The following RBFOX1 variants were observed in gnomAD, a reference collection of about 807,000 sequenced individuals.
The protein encoded by RBFOX1 is RNA binding fox-1 homolog 1.
Under a neutral mutation model 57.7 loss-of-function variants are expected in RBFOX1, and 8 were observed. The observed-to-expected ratio is 0.14, with a 90% CI of 0.08 to 0.25. The LOEUF (loss-of-function observed/expected upper bound fraction) is 0.25, where lower values mean the gene tolerates loss of function less well. RBFOX1 is among the 10% of genes least tolerant of loss of function. RBFOX1 has a pLI of 1.00. For synonymous variants in RBFOX1, 326 were observed against 222.4 expected, an observed-to-expected ratio of 1.47 and a Z score of -4.15; for missense variants, 611 against 548.5, an observed-to-expected ratio of 1.11 and a Z score of -1.14.
chr16:6,741,347 GA>G (rs1230664501), intron 3 of RBFOX1, among the ~76,000 whole-genome samples: 3 of 151,862 alleles, frequency 2.0e-5, no homozygotes, highest in Non-Finnish European at 4.4e-5. Context: ...GTCTATAAAA[GA>G]AAAAAATGAT....
chr16:7,338,047 G>A (rs2096826001), intron 4 of RBFOX1, among the ~76,000 whole-genome samples: 1 of 152,138 alleles, frequency 6.6e-6, no homozygotes, highest in African/African-American at 2.4e-5. Context: ...CTCTTTTAAA[G>A]TATTATTTTA....
intron 3 of RBFOX1, among the ~76,000 whole-genome samples, chr16:6,892,788 C>T (rs1270090194): frequency 3.7e-4 from 28 of 76,504 alleles, no homozygotes; most frequent in Non-Finnish European, 5.7e-4. Flanking sequence ...CTCTCTCTCT[C>T]TCTCTCTCTC....
At chr16:5,245,504 G>C (rs1049760886) in intron 1 of RBFOX1, among the ~76,000 whole-genome samples, 1 of 152,158 alleles carries the variant, frequency 6.6e-6, no homozygotes, top group African/African-American at 2.4e-5. Flanking sequence ...GACAAGATGG[G>C]GGTTTTGCTC....
Position 6,653,009 on chromosome 16 carries a change from C to G in RBFOX1, c.-63-1594C>G, listed in dbSNP as rs551624730. Among the ~76,000 whole-genome samples the G allele has an allele frequency of 2.0e-5, 3 of 152,258 alleles. No individual in the cohort carries two copies. In the East Asian group the frequency reaches 5.8e-4, roughly 29 times the overall value. On this transcript the variant is annotated intron_variant, in intron 2 of 15. Coordinates refer to ENST00000550418, the MANE Select transcript of RBFOX1 (RefSeq NM_018723.4). The stretch of plus-strand genomic sequence containing the variant: ...TGATCTCATTCCCCTTTATTTTCCT[C>G]TCTTACTTCCCTCTAACCACAGTGG...
chr16:6,825,119 C>T (rs1259610002), intron 3 of RBFOX1, among the ~76,000 whole-genome samples: 3 of 150,048 alleles, frequency 2.0e-5, no homozygotes, highest in African/African-American at 4.9e-5. Flanking sequence ...GCCTCAGCCT[C>T]CCAAGTAGCT....
At chr16:7,486,523 C>T (rs2065442546) in intron 4 of RBFOX1, among the ~76,000 whole-genome samples, 1 of 152,108 alleles carries the variant, frequency 6.6e-6, no homozygotes, top group South Asian at 2.1e-4. Context: ...TTTATGTCTA[C>T]ATCCATAACT....
intron 4 of RBFOX1, among the ~76,000 whole-genome samples, chr16:7,503,606 G>A (rs1018197657): frequency 6.6e-6 from 1 of 152,192 alleles, no homozygotes; most frequent in Non-Finnish European, 1.5e-5. Flanking sequence ...GGTGGTAGTA[G>A]CAAGAACTTT....
intron 2 of RBFOX1, among the ~76,000 whole-genome samples, chr16:6,396,016 A>G (rs144551605): frequency 3.5e-5 from 5 of 142,592 alleles, no homozygotes; most frequent in Non-Finnish European, 6.0e-5. Context: ...CAGTGAGCTG[A>G]GATCGCACCA....
At position 6,901,046 on chromosome 16, in the gene RBFOX1, C is replaced by G. The variant is rs182001677; in HGVS notation, c.-15-151011C>G. Among the ~76,000 whole-genome samples, 676 of 152,294 alleles carry G rather than the reference C, an allele frequency of 4.4e-3. 9 individuals carry two copies. The highest frequency in any genetic ancestry group is 3.9e-3 in the Non-Finnish European group (263 of 68,028). On this transcript the variant is annotated intron_variant, in intron 3 of 15. Transcript: ENST00000550418. ...TCACCGACATTATGTATACCGGGTG[C>G]TGTGTTCACAGCTTGGCCACTGGAT...
chr16:7,564,102 C>A (rs578023750), intron 5 of RBFOX1, among the ~76,000 whole-genome samples: 9 of 152,148 alleles, frequency 5.9e-5, no homozygotes, highest in African/African-American at 1.9e-4. Flanking sequence ...CTGTAACCAC[C>A]AAAGGGATGG....
At chr16:5,572,822 A>G (rs1226456491) in intron 2 of RBFOX1, among the ~76,000 whole-genome samples, 7 of 152,214 alleles carry the variant, frequency 4.6e-5, no homozygotes, top group Non-Finnish European at 1.0e-4. Context: ...AGGAGGAAGA[A>G]GTGCAGTGGA....
Position 7,202,279 on chromosome 16 carries a change from A to G in RBFOX1, c.27+150181A>G, listed in dbSNP as rs577461466. 7.8e-4 allele frequency among the ~76,000 whole-genome samples: 115 copies of G among 146,744 alleles called. 1 individual carries two copies. The highest frequency in any genetic ancestry group is 6.4e-4 in the Non-Finnish European group (43 of 67,472). On this transcript the variant is annotated intron_variant, in intron 4 of 15. Transcript: ENST00000550418. ...ATTACAATGAGATACCACCTCACAC[A>G]CATTAGGATGGCTGCAAATAAAAAA...
intron 4 of RBFOX1, among the ~76,000 whole-genome samples, chr16:7,223,852 T>G (rs1265310965): frequency 1.3e-5 from 2 of 151,752 alleles, no homozygotes; most frequent in African/African-American, 4.8e-5. Flanking sequence ...AAATAGCCAT[T>G]TATTAAAAAC....
intron 4 of RBFOX1, among the ~76,000 whole-genome samples, chr16:7,221,389 C>T (rs1424810503): frequency 7.0e-6 from 1 of 143,028 alleles, no homozygotes; most frequent in East Asian, 2.5e-4. Context: ...ATTTATGAGA[C>T]AGAGTTTTGC....
intron 1 of RBFOX1, among the ~76,000 whole-genome samples, chr16:6,234,412 G>C (rs901931256): frequency 1.3e-5 from 2 of 152,136 alleles, no homozygotes; most frequent in African/African-American, 4.8e-5. Context: ...GAGGATAGGG[G>C]CTATTTTTAT....
At chr16:6,340,257 AG>A (rs2084362603) in intron 2 of RBFOX1, among the ~76,000 whole-genome samples, 1 of 152,128 alleles carries the variant, frequency 6.6e-6, no homozygotes, top group South Asian at 2.1e-4. Flanking sequence ...GGGGACAGGA[AG>A]TATAGGGGTT....
intron 4 of RBFOX1, among the ~76,000 whole-genome samples, chr16:5,974,935 G>A (rs932390610): frequency 1.3e-5 from 2 of 152,154 alleles, no homozygotes; most frequent in African/African-American, 4.8e-5. Flanking sequence ...TGGAACCTAG[G>A]AGACGGAGGT....
intron 2 of RBFOX1, among the ~76,000 whole-genome samples, chr16:6,415,208 C>T (rs918967270): frequency 7.2e-6 from 1 of 139,662 alleles, no homozygotes; most frequent in Non-Finnish European, 1.5e-5. Flanking sequence ...ATGCTATTCA[C>T]TCTAGCCTGG....
intron 4 of RBFOX1, among the ~76,000 whole-genome samples, chr16:7,292,547 C>G (rs1026362315): frequency 6.8e-6 from 1 of 146,752 alleles, no homozygotes; most frequent in Non-Finnish European, 1.5e-5. Context: ...CACACACACA[C>G]ACACACAAAT....
Sources: gnomAD v4.1 joint callset for allele counts (sites outside exome capture counted in the v4.1 genomes callset) on GRCh38, gnomAD v4.1.1 for gene constraint, MANE v1.5 for transcripts, NCBI Gene and HGNC (gene_info 2026-07-23, HGNC 2026-07-21) for gene names.